USH2A: variants seen among roughly 807,000 people sequenced by gnomAD.
USH2A encodes usherin.
USH2A carries 443 observed loss-of-function variants against 538.9 expected under a neutral mutation model. The ratio of observed to expected loss-of-function variants is 0.82; its 90% CI spans 0.76 to 0.89. USH2A has a LOEUF of 0.89. USH2A is among the 40% of genes least tolerant of loss of function. The probability of loss-of-function intolerance (pLI) is 0.00; values close to 1 mark genes in which losing one functional copy is unlikely to be tolerated. For synonymous variants in USH2A, 2,413 were observed against 2,273.5 expected (o/e 1.06, Z -1.75); for missense variants, 6,633 against 6,324.8 (o/e 1.05, Z -1.65).
In USH2A at chr1:215,879,022, G is replaced by C. The variant is rs1384962260; in HGVS notation, c.8300C>G (p.Thr2767Ser). 6.2e-7 allele frequency: 1 copy of C among 1,614,102 alleles called. No homozygotes were observed. Among genetic ancestry groups the C allele is most frequent in the South Asian group, 1.1e-5 (1 of 91,086 alleles). Residue 2767 changes from threonine (T) to serine (S), a missense_variant, in exon 42 of 72, where the codon ACT becomes AGT. By Grantham distance (58) the Thr-to-Ser change is moderately conservative (BLOSUM62 1). Transcript: ENST00000307340. ...CACTGCGGAAGTCACATTGGTTAAAGTGATGTGAGGGTCAGGCATGTGAAT... is the reference window on the plus strand; with the variant it reads ...CACTGCGGAAGTCACATTGGTTAAACTGATGTGAGGGTCAGGCATGTGAAT... ...YEIHMPDPHITLTNVTSAVLS... is the reference protein window; with the variant it reads ...YEIHMPDPHISLTNVTSAVLS...
rs773896245 is a variant in USH2A at position 216,190,187 on chromosome 1, G to T, written c.4396+36C>A. Reference sequence around the variant, plus strand: ...TATTATAAGTTTTTTTTCTTGATAGGCAACAGATTTTTCATATCCATTAAA... The same window carrying T: ...TATTATAAGTTTTTTTTCTTGATAGTCAACAGATTTTTCATATCCATTAAA... On this transcript the variant is annotated intron_variant, in intron 20 of 71. Transcript: ENST00000307340. 1.9e-6 allele frequency: 3 copies of T among 1,610,760 alleles called. No homozygotes were observed. In the African/African-American group the frequency reaches 4.0e-5, roughly 22 times the overall value.
chr1:215,843,656 A>G (rs935888114), intron 46 of USH2A, among the ~76,000 whole-genome samples: 27 of 152,308 alleles, frequency 1.8e-4, no homozygotes, highest in African/African-American at 6.0e-4. Context: ...TTTAACCACA[A>G]TTGCTCTCAC....
chr1:215,946,525 T>C lies in USH2A; in HGVS notation c.7121-11730A>G, dbSNP rs568829163. Among the ~76,000 whole-genome samples, 7 of 152,320 alleles carry C rather than the reference T, an allele frequency of 4.6e-5. No individual in the cohort carries two copies. The East Asian group carries it at 1.4e-3, about 29-fold the overall frequency. The stretch of plus-strand genomic sequence containing the variant: ...TAGTTGAGCCAACCAGCCGAGCAGC[T>C]GATTCAATAAGAAAAATATCAGTCA... On this transcript the variant is annotated intron_variant, in intron 37 of 71. Coordinates refer to ENST00000307340, the MANE Select transcript of USH2A (RefSeq NM_206933.4).
chr1:215,763,514 C>T (rs1187343777), intron 56 of USH2A, among the ~76,000 whole-genome samples: 1 of 152,046 alleles, frequency 6.6e-6, no homozygotes, highest in Non-Finnish European at 1.5e-5. Context: ...GCAAGGATGG[C>T]AGGACTGCAC....
chr1:216,306,601 G>C (rs1241656182), intron 9 of USH2A, among the ~76,000 whole-genome samples: 2 of 152,170 alleles, frequency 1.3e-5, no homozygotes, highest in Non-Finnish European at 2.9e-5. Flanking sequence ...CATATTACTA[G>C]AACTGTTTTT....
At chr1:215,825,654 C>CTT (rs67106351) in intron 47 of USH2A, among the ~76,000 whole-genome samples, 6 of 152,054 alleles carry the variant, frequency 3.9e-5, no homozygotes, top group Non-Finnish European at 7.4e-5. Context: ...TTTACACAGG[C>CTT]TTTTTTTCTA....
intron 21 of USH2A, among the ~76,000 whole-genome samples, chr1:216,162,451 C>A (rs1045835954): frequency 1.3e-5 from 2 of 151,996 alleles, no homozygotes; most frequent in Admixed American, 6.6e-5. Flanking sequence ...ATTTTGAAGT[C>A]TTTGTCTGCC....
At chr1:216,185,040 T>G (rs2034571231) in intron 20 of USH2A, among the ~76,000 whole-genome samples, 1 of 151,802 alleles carries the variant, frequency 6.6e-6, no homozygotes. Flanking sequence ...TTGCAATGGG[T>G]GGAAATGCAC....
chr1:215,861,903 G>A (rs1272843116), intron 44 of USH2A, among the ~76,000 whole-genome samples: 4 of 137,432 alleles, frequency 2.9e-5, no homozygotes, highest in African/African-American at 8.3e-5. Flanking sequence ...GCAGTGGCAC[G>A]ATCTCGGCTC....
intron 47 of USH2A, among the ~76,000 whole-genome samples, chr1:215,831,727 G>T (rs966474868): frequency 6.6e-6 from 1 of 151,932 alleles, no homozygotes; most frequent in Non-Finnish European, 1.5e-5. Flanking sequence ...AAGAAGAAAG[G>T]TCTCAAATCA....
At chr1:216,224,138 T>C (rs544321666) in intron 14 of USH2A, among the ~76,000 whole-genome samples, 3 of 152,180 alleles carry the variant, frequency 2.0e-5, no homozygotes, top group East Asian at 3.9e-4. Context: ...GGTATATCAT[T>C]AGGGAAGAAA....
At chr1:215,665,631 C>G (rs1394552823) in intron 64 of USH2A, among the ~76,000 whole-genome samples, 1 of 152,194 alleles carries the variant, frequency 6.6e-6, no homozygotes, top group East Asian at 1.9e-4. Flanking sequence ...ACCCAGGTCC[C>G]TCTCAAAGCC....
chr1:216,109,932 T>G (rs1413483614), intron 21 of USH2A, among the ~76,000 whole-genome samples: 1 of 152,186 alleles, frequency 6.6e-6, no homozygotes, highest in East Asian at 1.9e-4. Context: ...CATCTTCATA[T>G]TCAATATTTT....
intron 32 of USH2A, among the ~76,000 whole-genome samples, chr1:216,015,948 G>A (rs1024731436): frequency 5.3e-5 from 8 of 152,116 alleles, no homozygotes; most frequent in Non-Finnish European, 7.3e-5. Flanking sequence ...CAACCCAAAC[G>A]TCCATCAATG....
At chr1:216,184,675 T>C (rs1013242536) in intron 20 of USH2A, among the ~76,000 whole-genome samples, 18 of 151,996 alleles carry the variant, frequency 1.2e-4, no homozygotes, top group South Asian at 2.1e-4. Context: ...AAAATATTTA[T>C]ATTAGTATTC....
At position 215,877,803 on chromosome 1, in the gene USH2A, A is replaced by G. The variant is rs913793280; in HGVS notation, c.8636T>C (p.Ile2879Thr). The G allele has an allele frequency of 6.8e-6, 11 of 1,613,656 alleles. No homozygotes were observed. The highest frequency in any genetic ancestry group is 9.3e-6 in the Non-Finnish European group (11 of 1,179,734). ...ATAAAGCCACTGAGTTCCTGAATAA[A>G]TATTGTGCCACCGATTTAAATCTTC... is the stretch of plus-strand genomic sequence containing the variant. ...PPEDLNRWHN[I>T]YSGTQWLYED... The change falls in exon 43 of 72, where the codon ATT (isoleucine) becomes ACT (threonine). Residue 2879 changes from isoleucine to threonine, a missense_variant. Ile to Thr is a moderately conservative substitution (Grantham distance 89, BLOSUM62 -1). Coordinates refer to ENST00000307340, the MANE Select transcript of USH2A (RefSeq NM_206933.4).
rs767694082 is a variant in USH2A, at chr1:215,799,092, C to T, written c.9773G>A (p.Arg3258Gln). Residue 3258 changes from arginine to glutamine, a missense_variant, in exon 50 of 72, where the codon CGG (arginine) becomes CAG (glutamine). By Grantham distance (43) the Arg-to-Gln change is conservative. Coordinates refer to ENST00000307340, the MANE Select transcript of USH2A (RefSeq NM_206933.4). ...EVCCPDEQHN[R>Q]VSVGIGDSCC... ...GGAATCACCAATGCCAACAGAAACC[C>T]GATTGTGCTGTTCATCTGGACAGCA... The T allele has an allele frequency of 1.5e-5, 25 of 1,613,846 alleles. 1 individual carries two copies. The highest frequency in any genetic ancestry group is 4.4e-5 in the South Asian group (4 of 91,084).
chr1:215,769,349 G>A (rs1001274185), intron 55 of USH2A, among the ~76,000 whole-genome samples: 3 of 152,158 alleles, frequency 2.0e-5, no homozygotes, highest in Non-Finnish European at 4.4e-5. Flanking sequence ...AGGGAAAAAA[G>A]AAAATTCATA....
At chr1:215,847,865 G>A (rs1264177907) in intron 44 of USH2A, among the ~76,000 whole-genome samples, 1 of 151,974 alleles carries the variant, frequency 6.6e-6, no homozygotes, top group East Asian at 1.9e-4. Context: ...TGAATACTAG[G>A]TTTTTCTTTT....
Sources: gnomAD v4.1 joint callset for allele counts (sites outside exome capture counted in the v4.1 genomes callset) on GRCh38, gnomAD v4.1.1 for gene constraint, MANE v1.5 for transcripts, NCBI Gene and HGNC (gene_info 2026-07-23, HGNC 2026-07-21) for gene names.